Variants in INF2 observed in about 807,000 individuals in gnomAD.
INF2 encodes the protein inverted formin-2.
INF2 carries 43 observed loss-of-function variants against 123.5 expected under a neutral mutation model. The observed-to-expected ratio is 0.35, with a 90% CI of 0.27 to 0.45. The LOEUF (loss-of-function observed/expected upper bound fraction) is 0.45. INF2 is among the 20% of genes least tolerant of loss of function. INF2 has a pLI of 1.00. For missense variants in INF2, 1,453 were observed against 1,682.7 expected (o/e 0.86, Z 2.39); for synonymous variants, 851 against 745.0 (o/e 1.14, Z -2.32).
upstream of INF2, among the ~76,000 whole-genome samples, chr14:104,687,376 G>A (rs996736018): frequency 1.3e-5 from 2 of 151,952 alleles, no homozygotes; most frequent in Admixed American, 1.3e-4. The surrounding 1 kb of genome is among the most constrained non-coding windows in gnomAD (Gnocchi z 5.6). Flanking sequence ...GCTGCCCCGG[G>A]CATGGTGGGT....
chr14:104,705,800 G>A (rs1166300879), intron 5 of INF2, among the ~76,000 whole-genome samples: 4 of 152,242 alleles, frequency 2.6e-5, no homozygotes, highest in African/African-American at 4.8e-5. Context: ...GCGTGCGGGT[G>A]CCTGGTGACC....
At chr14:104,717,285 G>A (rs1409501425) in intron 22 of INF2, among the ~76,000 whole-genome samples, 16 of 130,860 alleles carry the variant, frequency 1.2e-4, no homozygotes, top group East Asian at 2.9e-4. Flanking sequence ...GTGCGCTGCC[G>A]TCCTCCCAGT....
chr14:104,717,304 C>G (rs4983537), intron 22 of INF2, among the ~76,000 whole-genome samples: 4 of 133,624 alleles, frequency 3.0e-5, no homozygotes, highest in African/African-American at 1.2e-4. Flanking sequence ...GTCCCCCCCC[C>G]GGGCAGGGCG....
rs74091148 is a variant in INF2, at chr14:104,712,080, A to G, written c.2490-353A>G. Among the ~76,000 whole-genome samples, 1,443 of 152,038 alleles carry G rather than the reference A, an allele frequency of 9.5e-3. 20 individuals carry two copies. The highest frequency in any genetic ancestry group is 0.033 in the African/African-American group (1,350 of 41,450). On this transcript the variant is annotated intron_variant, in intron 16 of 22. Transcript: ENST00000392634. ...GCAGTGTCACCTCCTGGGTCACACA[A>G]CCCAGGCAGGAGGGCAGCCTGGGCC...
At chr14:104,718,449 G>C (rs1890417379) in intron 22 of INF2, among the ~76,000 whole-genome samples, 1 of 152,222 alleles carries the variant, frequency 6.6e-6, no homozygotes, top group Non-Finnish European at 1.5e-5. Context: ...GGCTGCAGGG[G>C]GTGGCAGTGG....
chr14:104,712,714 C>G (rs747767059), intron 17 of INF2, 114 bp from the exon 18 acceptor site: 10 of 1,463,472 alleles, frequency 6.8e-6, no homozygotes, highest in Non-Finnish European at 9.2e-6. Context: ...TTGTCAGAGA[C>G]CACCGTCCTC....
chr14:104,701,023 C>G (rs549325361), intron 1 of INF2, among the ~76,000 whole-genome samples: 1 of 152,130 alleles, frequency 6.6e-6, no homozygotes, highest in East Asian at 1.9e-4. Flanking sequence ...CAAGCTCATC[C>G]GGTCCCGTCA....
At position 104,689,655 on chromosome 14, in the gene INF2, G is replaced by T; in HGVS notation, c.-94G>T. 2 of 981,906 alleles carry T rather than the reference G, an allele frequency of 2.0e-6. No homozygotes were observed. Among genetic ancestry groups the T allele is most frequent in the Non-Finnish European group, 2.4e-6 (2 of 827,438 alleles). 60.8% of individuals were successfully genotyped at this position (981,906 alleles called of 1,614,324 possible). On this transcript the variant is annotated 5_prime_UTR_variant, in exon 1 of 23. Coordinates refer to ENST00000392634, the MANE Select transcript of INF2 (RefSeq NM_022489.4). ...CGTCCGAGCCTTGCGGAGCGCGGCAGTGGGCGCCGGCTGCCCGCAGCCCCT... is the reference window on the plus strand; with the variant it reads ...CGTCCGAGCCTTGCGGAGCGCGGCATTGGGCGCCGGCTGCCCGCAGCCCCT...
chr14:104,719,017 G>A lies in INF2; in HGVS notation c.*224G>A, dbSNP rs549098597. 58 of 1,066,770 alleles carry A rather than the reference G, an allele frequency of 5.4e-5. No homozygotes were observed. The highest frequency in any genetic ancestry group is 1.3e-4 in the Admixed American group (4 of 31,548). The allele number at this position is 1,066,770 out of a possible 1,614,324, so 66.1% of individuals were successfully genotyped here. A position where few individuals can be genotyped will look rare whatever the true frequency, so the allele number is the denominator to read the frequency against. The stretch of plus-strand genomic sequence containing the variant: ...GCCAGGCCTGGTGCCCTCCTGGACC[G>A]CCTGCACGTGCCAGCCTCCCACCTG... On this transcript the variant is annotated 3_prime_UTR_variant, in exon 23 of 23. Coordinates refer to ENST00000392634, the MANE Select transcript of INF2 (RefSeq NM_022489.4).
intron 1 of INF2, chr14:104,681,647 G>T (rs928461741): frequency 1.6e-6 from 2 of 1,247,302 alleles, no homozygotes; most frequent in Non-Finnish European, 2.1e-6. Flanking sequence ...ACACGGGGGC[G>T]GAGAGGTGGC....
chr14:104,707,585 C>T lies in INF2; in HGVS notation c.1318C>T (p.Pro440Ser), dbSNP rs1231855608. 7 of 1,078,148 alleles carry T rather than the reference C, an allele frequency of 6.5e-6. No individual in the cohort carries two copies. The highest frequency in any genetic ancestry group is 8.8e-6 in the Non-Finnish European group (7 of 797,778). 66.8% of individuals were successfully genotyped at this position (1,078,148 alleles called of 1,614,324 possible). A position where few individuals can be genotyped will look rare whatever the true frequency, so the allele number is the denominator to read the frequency against. Residue 440 changes from proline (P) to serine (S), a missense_variant, in exon 8 of 23, where the codon CCT becomes TCT. Physicochemically the swap from Pro to Ser is moderately conservative, Grantham distance 74 (BLOSUM62 -1). This residue lies in a region of INF2 where 374 missense variants were observed against 303.7 expected (regional missense o/e 1.23). Coordinates refer to ENST00000392634, the MANE Select transcript of INF2 (RefSeq NM_022489.4). ...LPGSSAEPPPPPPPPPLPSVG... is the reference protein window; with the variant it reads ...LPGSSAEPPPSPPPPPLPSVG... ...TGGTTCCAGTGCCGAGCCCCCTCCC[C>T]CTCCCCCACCACCCCCCCTGCCCAG...
intron 11 of INF2, 83 bp downstream of exon 11, chr14:104,709,466 G>A: frequency 7.6e-7 from 1 of 1,314,166 alleles, no homozygotes; most frequent in Non-Finnish European, 1.1e-6. Flanking sequence ...CCAGCAGGGA[G>A]ACAGAGAAGG....
At chr14:104,704,286 C>T in intron 5 of INF2, 2 of 898,876 alleles carry the variant, frequency 2.2e-6, no homozygotes, top group South Asian at 2.1e-5. Flanking sequence ...TAAGAGGGAA[C>T]TACAGGGTGG....
At chr14:104,692,092 G>A (rs1207051796) in intron 1 of INF2, among the ~76,000 whole-genome samples, 4 of 152,204 alleles carry the variant, frequency 2.6e-5, no homozygotes, top group African/African-American at 9.6e-5. Flanking sequence ...CCGAGGGCCA[G>A]CCTCAGGCCG....
At chr14:104,705,641 T>C (rs1595168988) in intron 5 of INF2, among the ~76,000 whole-genome samples, 1 of 152,220 alleles carries the variant, frequency 6.6e-6, no homozygotes, top group East Asian at 1.9e-4. Context: ...CCACCTCAGG[T>C]GTGGTCTTCA....
chr14:104,709,821 C>T (rs900751541), intron 12 of INF2, 116 bp downstream of exon 12: 9 of 916,992 alleles, frequency 9.8e-6, no homozygotes, highest in Admixed American at 7.6e-5. Context: ...CTGCCCCGGG[C>T]TCCAGGAGCA....
chr14:104,706,711 A>G (rs1889795788), intron 6 of INF2, among the ~76,000 whole-genome samples, 199 bp from the exon 7 acceptor site: 1 of 152,138 alleles, frequency 6.6e-6, no homozygotes, highest in African/African-American at 2.4e-5. Context: ...GGTAGAGACC[A>G]GTGGTTCTGT....
rs1890480727 is a variant in INF2, at chr14:104,719,761, GC to G, written c.*973del. On this transcript the variant is annotated 3_prime_UTR_variant, in exon 23 of 23. Transcript: ENST00000392634. The stretch of plus-strand genomic sequence containing the variant: ...ACACTCACTGTTGAGGGGTCCCTGG[GC>G]CCCCAGGCACCGTGTGAGCATTCAC... 1 of 152,160 alleles carries G rather than the reference GC, an allele frequency of 6.6e-6. No homozygotes were observed. The highest frequency in any genetic ancestry group is 1.5e-5 in the Non-Finnish European group (1 of 68,022). 9.4% of individuals were successfully genotyped at this position (152,160 alleles called of 1,614,324 possible).
At position 104,712,915 on chromosome 14, in the gene INF2, G is replaced by A; in HGVS notation, c.2698G>A (p.Asp900Asn). 2.5e-6 allele frequency: 4 copies of A among 1,612,742 alleles called. No individual in the cohort carries two copies. The highest frequency in any genetic ancestry group is 3.4e-6 in the Non-Finnish European group (4 of 1,179,820). Residue 900 changes from aspartate (D) to asparagine (N), a missense_variant, in exon 18 of 23, where the codon GAC becomes AAC. Coordinates refer to ENST00000392634, the MANE Select transcript of INF2 (RefSeq NM_022489.4). ...GGAGCTGGCCGACTACCTGTGTGAGGACGCCCAGCAGCTGTCCCTGGAGGA... is the reference window on the plus strand; with the variant it reads ...GGAGCTGGCCGACTACCTGTGTGAGAACGCCCAGCAGCTGTCCCTGGAGGA... ...QRELADYLCE[D>N]AQQLSLEDTF...
Sources: allele counts gnomAD v4.1 joint callset (sites outside exome capture counted in the v4.1 genomes callset), GRCh38; gene constraint gnomAD v4.1.1; regional missense constraint gnomAD v4.1.1; non-coding constraint Gnocchi (gnomAD v3.1); transcripts MANE v1.5; gene names NCBI Gene and HGNC (gene_info 2026-07-23, HGNC 2026-07-21).